MAPK9: variants seen among roughly 807,000 people sequenced by gnomAD.
MAPK9 encodes mitogen-activated protein kinase 9.
MAPK9 carries 30 observed loss-of-function variants against 57.1 expected under a neutral mutation model. The ratio of observed to expected loss-of-function variants is 0.53; its 90% CI spans 0.39 to 0.71. The LOEUF (loss-of-function observed/expected upper bound fraction) is 0.71, where lower values mean the gene tolerates loss of function less well. MAPK9 is among the 30% of genes least tolerant of loss of function. The pLI is 0.00. For synonymous variants in MAPK9, 155 were observed against 177.0 expected (o/e 0.88, Z 0.99); for missense variants, 362 against 521.0 (o/e 0.69, Z 2.97).
rs999549699 is a variant in MAPK9 at position 180,233,345 on chromosome 5, A to G, written c.*3039T>C. 82 of 152,328 alleles carry G rather than the reference A, an allele frequency of 5.4e-4. No individual in the cohort carries two copies. Among genetic ancestry groups the G allele is most frequent in the African/African-American group, 1.9e-3 (79 of 41,568 alleles). The allele number at this position is 152,328 out of a possible 1,614,324, so 9.4% of individuals were successfully genotyped here. A position where few individuals can be genotyped will look rare whatever the true frequency, so the allele number is the denominator to read the frequency against. Reference sequence around the variant, plus strand: ...CACCAATACTCTGAATTGGACCTGCATATTGGTGAAGTCAAAACTTACTGC... The same window carrying G: ...CACCAATACTCTGAATTGGACCTGCGTATTGGTGAAGTCAAAACTTACTGC... On this transcript the variant is annotated 3_prime_UTR_variant, in exon 12 of 12. Transcript: ENST00000452135.
At chr5:180,237,775 A>C (rs1757292768) in intron 11 of MAPK9, 1 of 152,420 alleles carries the variant, frequency 6.6e-6, no homozygotes, top group East Asian at 1.9e-4. Context: ...CTGGCTATTC[A>C]TACAGCGGTT....
In MAPK9 at chr5:180,280,109, A is replaced by C. The variant is rs980096098; in HGVS notation, c.122+331T>G. 3 of 466,050 alleles carry C rather than the reference A, an allele frequency of 6.4e-6. No homozygotes were observed. The Admixed American group carries it at 7.1e-5, about 11-fold the overall frequency. The allele number at this position is 466,050 out of a possible 1,614,324, so 28.9% of individuals were successfully genotyped here. On this transcript the variant is annotated intron_variant, in intron 2 of 11. Coordinates refer to ENST00000452135, the MANE Select transcript of MAPK9 (RefSeq NM_002752.5). The stretch of plus-strand genomic sequence containing the variant: ...GGTGGCCATGATGAAGAAATGAATA[A>C]AACTCCAAATTTCTGTTACAACTCA...
intron 10 of MAPK9, among the ~76,000 whole-genome samples, chr5:180,239,248 T>A (rs1757456000): frequency 6.6e-6 from 1 of 152,246 alleles, no homozygotes; most frequent in Non-Finnish European, 1.5e-5. Context: ...AAAATGTCAG[T>A]ATTCATAAAC....
rs531917451 is a variant in MAPK9, at chr5:180,244,688, C to T, written c.689-1933G>A. Among the ~76,000 whole-genome samples, 30 of 150,294 alleles carry T rather than the reference C, an allele frequency of 2.0e-4. No individual in the cohort carries two copies. In the South Asian group the frequency reaches 5.0e-3, roughly 25 times the overall value. ...ACTCGGGAGGCTGAGGCAGAAGAAT[C>T]GCTTGAACCCAGGAGGTAGAGGTTG... On this transcript the variant is annotated intron_variant, in intron 7 of 11. Coordinates refer to ENST00000452135, the MANE Select transcript of MAPK9 (RefSeq NM_002752.5).
In MAPK9 at chr5:180,237,909, C is replaced by T. The variant is rs140077414; in HGVS notation, c.1132+423G>A. ...ACCCCACCACTTTGGGAGGCTGAGGCGGGTGGATCACGAGGTCAGGAGATC... is the reference window on the plus strand; with the variant it reads ...ACCCCACCACTTTGGGAGGCTGAGGTGGGTGGATCACGAGGTCAGGAGATC... On this transcript the variant is annotated intron_variant, in intron 11 of 11. Transcript: ENST00000452135. 711 of 154,684 alleles carry T rather than the reference C, an allele frequency of 4.6e-3. 2 individuals carry two copies. Among genetic ancestry groups the T allele is most frequent in the Middle Eastern group, 0.014 (4 of 296 alleles). 9.6% of individuals were successfully genotyped at this position (154,684 alleles called of 1,614,324 possible).
chr5:180,291,083 T>C (rs908961122), intron 1 of MAPK9, among the ~76,000 whole-genome samples: 1 of 152,160 alleles, frequency 6.6e-6, no homozygotes, highest in Admixed American at 6.5e-5. Context: ...AAGAGCTACT[T>C]GTGCCAAGAT....
At chr5:180,256,860 T>C (rs1187359696) in intron 5 of MAPK9, among the ~76,000 whole-genome samples, 1 of 152,066 alleles carries the variant, frequency 6.6e-6, no homozygotes, top group Non-Finnish European at 1.5e-5. Flanking sequence ...CCTTATAAAA[T>C]GAATAAGGCC....
At chr5:180,267,844 G>T (rs983756220) in intron 3 of MAPK9, among the ~76,000 whole-genome samples, 1 of 151,746 alleles carries the variant, frequency 6.6e-6, no homozygotes, top group African/African-American at 2.4e-5. Context: ...CAGATTTCAC[G>T]TTTTATATTT....
rs1023776826 is a variant in MAPK9, at chr5:180,269,512, G to A, written c.123-103C>T. 88 of 1,114,318 alleles carry A rather than the reference G, an allele frequency of 7.9e-5. 1 individual carries two copies. The Middle Eastern group carries it at 3.0e-3, about 38-fold the overall frequency. The allele number at this position is 1,114,318 out of a possible 1,614,324, so 69.0% of individuals were successfully genotyped here. A position where few individuals can be genotyped will look rare whatever the true frequency, so the allele number is the denominator to read the frequency against. ...ATATCATCTTTTTAATAAGTAACAA[G>A]GAAAAATCTGCTTATTTCATTCAAG... is the stretch of plus-strand genomic sequence containing the variant. On this transcript the variant is annotated intron_variant, in intron 2 of 11. Coordinates refer to ENST00000452135, the MANE Select transcript of MAPK9 (RefSeq NM_002752.5).
At chr5:180,241,290 G>A in intron 8 of MAPK9, 135 bp from the exon 9 acceptor site, 3 of 895,418 alleles carry the variant, frequency 3.4e-6, no homozygotes, top group South Asian at 4.6e-5. Flanking sequence ...GGTTCAAGAT[G>A]AATATAACCC....
At chr5:180,266,459 C>T (rs1235238568) in intron 3 of MAPK9, among the ~76,000 whole-genome samples, 2 of 151,722 alleles carry the variant, frequency 1.3e-5, no homozygotes, top group African/African-American at 4.8e-5. Flanking sequence ...GGATTACAGG[C>T]GCCCACCACT....
intron 1 of MAPK9, among the ~76,000 whole-genome samples, chr5:180,282,586 G>A (rs1762401468): frequency 6.6e-6 from 1 of 152,258 alleles, no homozygotes; most frequent in South Asian, 2.1e-4. Flanking sequence ...TAGAGCCACA[G>A]AGCTCAAACT....
At chr5:180,240,455 T>C (rs1012485591) in intron 9 of MAPK9, among the ~76,000 whole-genome samples, 2 of 152,230 alleles carry the variant, frequency 1.3e-5, no homozygotes, top group African/African-American at 4.8e-5. Flanking sequence ...TATAAAACAA[T>C]GTTTAAACTG....
intron 3 of MAPK9, among the ~76,000 whole-genome samples, chr5:180,266,376 G>A (rs990690586): frequency 7.3e-5 from 11 of 151,056 alleles, no homozygotes; most frequent in East Asian, 1.9e-4. Context: ...GTGCAATGGC[G>A]CAATCTTGGC....
chr5:180,270,736 A>C (rs1328251795), intron 2 of MAPK9, among the ~76,000 whole-genome samples: 3 of 151,732 alleles, frequency 2.0e-5, no homozygotes, highest in Non-Finnish European at 4.4e-5. Flanking sequence ...CTGTAGACCC[A>C]GTTACTCAGG....
rs1561791942 is a variant in MAPK9, at chr5:180,247,864, C to A, written c.617-354G>T. On this transcript the variant is annotated intron_variant, in intron 6 of 11. Transcript: ENST00000452135. The surrounding 1 kb of genome is among the most constrained non-coding windows in gnomAD (Gnocchi z 4.5). ...CCCCTGTGAAGGATACAGTCTCTTC[C>A]CGGGAACAGGACTTTATGGAGGACC... 2 of 1,614,124 alleles carry A rather than the reference C, an allele frequency of 1.2e-6. No individual in the cohort carries two copies. Among genetic ancestry groups the A allele is most frequent in the Non-Finnish European group, 1.7e-6 (2 of 1,180,004 alleles).
intron 2 of MAPK9, among the ~76,000 whole-genome samples, chr5:180,274,279 G>A (rs1466735687): frequency 6.6e-6 from 1 of 152,224 alleles, no homozygotes; most frequent in East Asian, 1.9e-4. Flanking sequence ...AGGGGGAGGG[G>A]TACATATACT....
At chr5:180,240,890 C>A in intron 9 of MAPK9, 141 bp downstream of exon 9, 1 of 1,064,592 alleles carries the variant, frequency 9.4e-7, no homozygotes, top group Non-Finnish European at 1.3e-6. Flanking sequence ...AGGTCTCAGA[C>A]AACACTTGGC....
chr5:180,253,688 CAACA>C (rs1758947334), intron 5 of MAPK9: 1 of 152,284 alleles, frequency 6.6e-6, no homozygotes, highest in African/African-American at 2.4e-5. Flanking sequence ...CTGTGGGTAC[CAACA>C]GGGAAGGCAC....
Sources: gnomAD v4.1 joint callset for allele counts (sites outside exome capture counted in the v4.1 genomes callset) on GRCh38, gnomAD v4.1.1 for gene constraint, Gnocchi (gnomAD v3.1) non-coding constraint, MANE v1.5 for transcripts, NCBI Gene and HGNC (gene_info 2026-07-23, HGNC 2026-07-21) for gene names.